NFAT5: variants seen among roughly 807,000 people sequenced by gnomAD.
NFAT5 encodes nuclear factor of activated T cells 5, also known as nuclear factor of activated T-cells 5.
A neutral mutation model predicts 166.5 loss-of-function variants in NFAT5; 31 were observed. The ratio of observed to expected loss-of-function variants is 0.19; its 90% CI spans 0.14 to 0.25. The LOEUF is 0.25. Among genes scored for constraint, NFAT5 ranks in the 10% least tolerant of loss-of-function variants. The pLI, the probability that NFAT5 is intolerant of heterozygous loss-of-function variation, is 1.00. For missense variants in NFAT5, 1,449 were observed against 1,821.8 expected, an observed-to-expected ratio of 0.80 and a Z score of 3.72; for synonymous variants, 612 against 639.7, an observed-to-expected ratio of 0.96 and a Z score of 0.65.
chr16:69,667,633 A>T (rs1030224021), intron 7 of NFAT5, among the ~76,000 whole-genome samples: 4 of 152,144 alleles, frequency 2.6e-5, no homozygotes, highest in Non-Finnish European at 5.9e-5. Context: ...AAAAAATGAG[A>T]TATGGGAAAA....
intron 3 of NFAT5, among the ~76,000 whole-genome samples, chr16:69,643,024 C>T (rs1597458032): frequency 6.6e-6 from 1 of 151,624 alleles, no homozygotes; most frequent in Non-Finnish European, 1.5e-5. Flanking sequence ...TCGAGACCAC[C>T]CTGGCCAACA....
At chr16:69,576,116 C>G in intron 2 of NFAT5, among the ~76,000 whole-genome samples, 1 of 151,426 alleles carries the variant, frequency 6.6e-6, no homozygotes, top group African/African-American at 2.4e-5. Flanking sequence ...TCCTGGCCAA[C>G]ATGGTGAAAC....
chr16:69,657,420 G>A (rs969994900), intron 6 of NFAT5, among the ~76,000 whole-genome samples: 4 of 150,512 alleles, frequency 2.7e-5, no homozygotes, highest in African/African-American at 7.3e-5. Context: ...GTGAGCCACC[G>A]TGCCTGGCCT....
rs567688159 is a variant in NFAT5, at chr16:69,657,524, G to A, written c.1196+1725G>A. On this transcript the variant is annotated intron_variant, in intron 6 of 14. Coordinates refer to ENST00000349945, the MANE Select transcript of NFAT5 (RefSeq NM_138713.4). ...ACCTGTAATCCCAGCACTTTGGGAGGCCGAGGCAGGTGGATCACTAAGTCA... is the reference window on the plus strand; with the variant it reads ...ACCTGTAATCCCAGCACTTTGGGAGACCGAGGCAGGTGGATCACTAAGTCA... Among the ~76,000 whole-genome samples the A allele has an allele frequency of 2.2e-3, 336 of 151,354 alleles. 2 individuals carry two copies. The highest frequency in any genetic ancestry group is 5.8e-3 in the South Asian group (28 of 4,802).
intron 3 of NFAT5, among the ~76,000 whole-genome samples, chr16:69,642,287 A>G (rs1393735387): frequency 6.6e-6 from 1 of 152,308 alleles, no homozygotes; most frequent in East Asian, 1.9e-4. Flanking sequence ...GTACAATTCA[A>G]GTTCACCATC....
At chr16:69,629,534 T>C (rs2034613577) in intron 3 of NFAT5, among the ~76,000 whole-genome samples, 1 of 152,134 alleles carries the variant, frequency 6.6e-6, no homozygotes, top group East Asian at 1.9e-4. Context: ...GAAAGGGGCT[T>C]ATTTAGACAC....
intron 10 of NFAT5, 45 bp from the exon 11 acceptor site, chr16:69,684,842 A>G (rs777713524): frequency 7.7e-7 from 1 of 1,293,402 alleles, no homozygotes; most frequent in Non-Finnish European, 1.1e-6. Flanking sequence ...CGAGGTTTTT[A>G]GGATGAGTAA....
At chr16:69,584,694 C>T (rs1193142821) in intron 2 of NFAT5, among the ~76,000 whole-genome samples, 1 of 151,818 alleles carries the variant, frequency 6.6e-6, no homozygotes, top group Non-Finnish European at 1.5e-5. Context: ...GAGCCTCAGG[C>T]GGAGGATCCC....
chr16:69,673,076 T>G (rs562108413), intron 9 of NFAT5, among the ~76,000 whole-genome samples: 1 of 152,284 alleles, frequency 6.6e-6, no homozygotes, highest in South Asian at 2.1e-4. Flanking sequence ...TTAAAACACT[T>G]TTTTTCAGGG....
chr16:69,648,613 A>G, intron 4 of NFAT5: 1 of 982,930 alleles, frequency 1.0e-6, no homozygotes. Context: ...CACTGCTATA[A>G]TGCAGACTAG....
intron 11 of NFAT5, among the ~76,000 whole-genome samples, chr16:69,688,895 G>A (rs1485488033): frequency 1.3e-5 from 2 of 152,142 alleles, no homozygotes; most frequent in South Asian, 2.1e-4. Context: ...TAACACTAAT[G>A]GTTTTTCAAA....
chr16:69,647,975 C>T lies in NFAT5; in HGVS notation c.812+389C>T, dbSNP rs1484801070. On this transcript the variant is annotated intron_variant, in intron 4 of 14. Coordinates refer to ENST00000349945, the MANE Select transcript of NFAT5 (RefSeq NM_138713.4). The surrounding 1 kb of genome is among the most constrained non-coding windows in gnomAD (Gnocchi z 4.8). ...TCACCTGAGGTCAGGAGTTCGAGACCAGCCTGACCAACATGGTGAAACCCC... is the reference window on the plus strand; with the variant it reads ...TCACCTGAGGTCAGGAGTTCGAGACTAGCCTGACCAACATGGTGAAACCCC... Among the ~76,000 whole-genome samples the T allele has an allele frequency of 6.6e-6, 1 of 151,912 alleles. No individual in the cohort carries two copies. Among genetic ancestry groups the T allele is most frequent in the African/African-American group, 2.4e-5 (1 of 41,346 alleles).
intron 7 of NFAT5, among the ~76,000 whole-genome samples, chr16:69,667,355 A>T (rs546249264): frequency 1.3e-5 from 2 of 152,214 alleles, no homozygotes; most frequent in South Asian, 4.1e-4. Flanking sequence ...ACTTTACAAG[A>T]ATAGTAAATT....
At chr16:69,629,274 ATGAG>A (rs2151585467) in intron 3 of NFAT5, among the ~76,000 whole-genome samples, 1 of 152,300 alleles carries the variant, frequency 6.6e-6, no homozygotes, top group South Asian at 2.1e-4. Context: ...GACTGGGCAT[ATGAG>A]TGTTCATGGA....
At position 69,566,051 on chromosome 16, in the gene NFAT5, C is replaced by A. The variant is rs1000958080; in HGVS notation, c.-251C>A. ...CGAAACGGACCCTTTGGCTCTCCCCCTTCCCCTTCCCCGTCCTGAACCCCT... is the reference window on the plus strand; with the variant it reads ...CGAAACGGACCCTTTGGCTCTCCCCATTCCCCTTCCCCGTCCTGAACCCCT... On this transcript the variant is annotated 5_prime_UTR_variant, in exon 1 of 15. Transcript: ENST00000349945. The surrounding 1 kb of genome is among the most constrained non-coding windows in gnomAD (Gnocchi z 5.7). 2.7e-5 allele frequency: 14 copies of A among 519,314 alleles called. No homozygotes were observed. The highest frequency in any genetic ancestry group is 4.7e-5 in the Non-Finnish European group (14 of 295,916). The allele number at this position is 519,314 out of a possible 1,614,324, so 32.2% of individuals were successfully genotyped here. A position where few individuals can be genotyped will look rare whatever the true frequency, so the allele number is the denominator to read the frequency against.
intron 2 of NFAT5, among the ~76,000 whole-genome samples, chr16:69,582,843 T>C (rs1346741907): frequency 1.3e-5 from 2 of 151,934 alleles, no homozygotes; most frequent in African/African-American, 4.8e-5. Flanking sequence ...GTTTCGGCTA[T>C]TTAATGTCTC....
intron 2 of NFAT5, among the ~76,000 whole-genome samples, chr16:69,580,285 T>C (rs2031584814): frequency 6.6e-6 from 1 of 152,116 alleles, no homozygotes; most frequent in African/African-American, 2.4e-5. Context: ...CCCAGCACTT[T>C]GGGAGGCCAA....
chr16:69,646,463 T>G (rs2035443568), intron 3 of NFAT5: 2 of 738,894 alleles, frequency 2.7e-6, no homozygotes, highest in Non-Finnish European at 3.8e-6. Flanking sequence ...ATAATTGATA[T>G]CTGGAATAAT....
chr16:69,638,217 TCAAAAA>T lies in NFAT5; in HGVS notation c.254-8806_254-8801del, dbSNP rs2035050079. On this transcript the variant is annotated intron_variant, in intron 3 of 14. Coordinates refer to ENST00000349945, the MANE Select transcript of NFAT5 (RefSeq NM_138713.4). Reference sequence around the variant, plus strand: ...CTGGGCGACAGAGTGAGACTGTGTCTCAAAAACAAACAAACAAGCAACAACAAAAAC... The same window carrying T: ...CTGGGCGACAGAGTGAGACTGTGTCTCAAACAAACAAGCAACAACAAAAAC... Among the ~76,000 whole-genome samples, 4 of 151,966 alleles carry T rather than the reference TCAAAAA, an allele frequency of 2.6e-5. No homozygotes were observed. In the South Asian group the frequency reaches 8.3e-4, roughly 32 times the overall value.
Sources: allele counts gnomAD v4.1 joint callset (sites outside exome capture counted in the v4.1 genomes callset), GRCh38; gene constraint gnomAD v4.1.1; non-coding constraint Gnocchi (gnomAD v3.1); transcripts MANE v1.5; gene names NCBI Gene and HGNC (gene_info 2026-07-23, HGNC 2026-07-21).